Variants in SENP6 observed in about 807,000 individuals in gnomAD.
SENP6 encodes the protein SUMO specific peptidase 6, also known as sentrin-specific protease 6.
A neutral mutation model predicts 134.5 loss-of-function variants in SENP6; 41 were observed. The observed-to-expected ratio is 0.30, with a 90% confidence interval of 0.24 to 0.40. The LOEUF (loss-of-function observed/expected upper bound fraction) is 0.40. SENP6 is among the 10% of genes least tolerant of loss of function. SENP6 has a pLI of 1.00. For missense variants in SENP6, 1,248 were observed against 1,312.5 expected (o/e 0.95, Z 0.76); for synonymous variants, 395 against 429.8 (o/e 0.92, Z 1.00).
chr6:75,625,899 T>C (rs1455444140), intron 3 of SENP6, among the ~76,000 whole-genome samples: 1 of 152,080 alleles, frequency 6.6e-6, no homozygotes, highest in East Asian at 1.9e-4. Context: ...AAAACCCACT[T>C]TTATTTGCTT....
intron 7 of SENP6, among the ~76,000 whole-genome samples, chr6:75,651,048 G>A (rs1365417399): frequency 2.0e-5 from 3 of 152,094 alleles, no homozygotes; most frequent in Non-Finnish European, 2.9e-5. Flanking sequence ...TAAAATTAAA[G>A]TTTGTAAACC....
intron 18 of SENP6, among the ~76,000 whole-genome samples, chr6:75,698,878 G>C (rs1406601881): frequency 2.0e-5 from 3 of 151,978 alleles, no homozygotes; most frequent in Non-Finnish European, 4.4e-5. Context: ...GGGCGTGGTG[G>C]TGCGTGCCTG....
At chr6:75,695,765 G>A in intron 16 of SENP6, 39 bp from the exon 17 acceptor site, 1 of 1,475,886 alleles carries the variant, frequency 6.8e-7, no homozygotes, top group East Asian at 2.3e-5. Context: ...AAAGTGAACT[G>A]TTACATTAAT....
chr6:75,678,653 C>T lies in SENP6; in HGVS notation c.1919C>T (p.Thr640Ile). The T allele has an allele frequency of 6.2e-7, 1 of 1,603,946 alleles. No homozygotes were observed. The highest frequency in any genetic ancestry group is 1.1e-5 in the South Asian group (1 of 89,246). ...CAGTTTTTTGATGAAGAAGAAGAAA[C>T]TGGAGAAAACCACACCATCTTCATT... ...EFQFFDEEEE[T>I]GENHTIFIGP... The change falls in exon 15 of 24, where the codon ACT becomes ATT. Residue 640 changes from threonine to isoleucine, a missense_variant. By Grantham distance (89) the Thr-to-Ile change is moderately conservative. This residue lies in a region of SENP6 where 129 missense variants were observed against 192.0 expected (regional missense o/e 0.67). Coordinates refer to ENST00000447266, the MANE Select transcript of SENP6 (RefSeq NM_015571.4).
intron 18 of SENP6, among the ~76,000 whole-genome samples, chr6:75,699,312 A>T (rs971464411): frequency 1.3e-5 from 2 of 150,898 alleles, no homozygotes; most frequent in Admixed American, 6.6e-5. Flanking sequence ...TTTGTAGATT[A>T]AAAAATAGCC....
chr6:75,649,130 A>G (rs1310755300), intron 7 of SENP6, among the ~76,000 whole-genome samples: 1 of 151,844 alleles, frequency 6.6e-6, no homozygotes, highest in East Asian at 1.9e-4. Context: ...ACATGGCAAA[A>G]CCCCATCGCT....
chr6:75,658,301 T>C (rs1771498657), intron 7 of SENP6, among the ~76,000 whole-genome samples: 1 of 152,168 alleles, frequency 6.6e-6, no homozygotes, highest in South Asian at 2.1e-4. Flanking sequence ...TTTCTTAAGA[T>C]GGTGTTGTAT....
At chr6:75,679,900 A>G (rs1474183044) in intron 16 of SENP6, 1 of 152,180 alleles carries the variant, frequency 6.6e-6, no homozygotes, top group East Asian at 1.9e-4. Context: ...TTTATAGCCT[A>G]TTGGTGGTTG....
chr6:75,652,698 A>AAAAAAAAAAAG (rs1554166656), intron 7 of SENP6, among the ~76,000 whole-genome samples: 3 of 148,710 alleles, frequency 2.0e-5, no homozygotes, highest in African/African-American at 5.1e-5. Context: ...AAAAAAAAAA[A>AAAAAAAAAAAG]AAAAAGAAAA....
chr6:75,698,187 T>G (rs1774783524), intron 18 of SENP6, among the ~76,000 whole-genome samples: 1 of 152,214 alleles, frequency 6.6e-6, no homozygotes, highest in African/African-American at 2.4e-5. Flanking sequence ...CTCTGGAGCC[T>G]CTCAATAAAA....
At chr6:75,688,176 C>T (rs1425813564) in intron 16 of SENP6, among the ~76,000 whole-genome samples, 1 of 152,248 alleles carries the variant, frequency 6.6e-6, no homozygotes, top group East Asian at 1.9e-4. Flanking sequence ...GTGAGCAAGG[C>T]TCCATGGGCG....
chr6:75,636,731 G>A (rs573957393), intron 5 of SENP6, among the ~76,000 whole-genome samples: 1 of 152,212 alleles, frequency 6.6e-6, no homozygotes, highest in Admixed American at 6.5e-5. Context: ...CATGCAGTAG[G>A]AATCACGTCT....
chr6:75,633,459 C>T, intron 3 of SENP6, 122 bp from the exon 4 acceptor site: 1 of 768,746 alleles, frequency 1.3e-6, no homozygotes. Context: ...CATGCCAATG[C>T]TATCCACCAT....
At chr6:75,607,751 A>G (rs1318885387) in intron 1 of SENP6, among the ~76,000 whole-genome samples, 1 of 152,188 alleles carries the variant, frequency 6.6e-6, no homozygotes, top group African/African-American at 2.4e-5. Flanking sequence ...GTTGTTCTCT[A>G]CAGATACCAG....
intron 6 of SENP6, among the ~76,000 whole-genome samples, chr6:75,644,948 T>G (rs1048473667): frequency 2.0e-5 from 3 of 152,230 alleles, no homozygotes; most frequent in Non-Finnish European, 2.9e-5. Context: ...TATTTCAAAC[T>G]TAGTTTACTA....
rs191685973 is a variant in SENP6 at position 75,634,716 on chromosome 6, G to T, written c.363G>T (p.Thr121=). 3.8e-6 allele frequency: 6 copies of T among 1,567,312 alleles called. No homozygotes were observed. Among genetic ancestry groups the T allele is most frequent in the Non-Finnish European group, 2.6e-6 (3 of 1,163,684 alleles). Reference sequence around the variant, plus strand: ...TTTCTTGAATCTGCAGTGAAAATACGCAAAATACGTCATTATGTTCTGGAA... The same window carrying T: ...TTTCTTGAATCTGCAGTGAAAATACTCAAAATACGTCATTATGTTCTGGAA... ...LSNNKKLSEN[T]QNTSLCSGTV... Residue 121 remains threonine (T), a synonymous_variant, in exon 5 of 24, where the codon ACG becomes ACT. Transcript: ENST00000447266.
intron 1 of SENP6, among the ~76,000 whole-genome samples, chr6:75,621,317 G>A (rs1310773579): frequency 6.6e-6 from 1 of 152,088 alleles, no homozygotes; most frequent in Non-Finnish European, 1.5e-5. Context: ...TCTTTGTGTA[G>A]CAAGCACATG....
At chr6:75,624,369 A>G (rs1768506163) in intron 3 of SENP6, among the ~76,000 whole-genome samples, 1 of 152,180 alleles carries the variant, frequency 6.6e-6, no homozygotes, top group African/African-American at 2.4e-5. Flanking sequence ...TTTTTCTAAA[A>G]TAATCTGTAA....
At chr6:75,700,591 A>G (rs753136448) in intron 18 of SENP6, among the ~76,000 whole-genome samples, 2 of 151,892 alleles carry the variant, frequency 1.3e-5, no homozygotes, top group Non-Finnish European at 2.9e-5. Context: ...GGCTCAAGCT[A>G]TCCTCCCACC....
Sources: allele counts gnomAD v4.1 joint callset (sites outside exome capture counted in the v4.1 genomes callset), GRCh38; gene constraint gnomAD v4.1.1; regional missense constraint gnomAD v4.1.1; transcripts MANE v1.5; gene names NCBI Gene and HGNC (gene_info 2026-07-23, HGNC 2026-07-21).